Variants in SPACA1 observed in about 807,000 individuals in gnomAD.
SPACA1 encodes the protein sperm acrosome associated 1.
A neutral mutation model predicts 32.6 loss-of-function variants in SPACA1; 17 were observed. That is an observed-to-expected ratio of 0.52 (90% CI 0.36 to 0.78). The LOEUF (loss-of-function observed/expected upper bound fraction) is 0.78. Among genes scored for constraint, SPACA1 ranks in the 30% least tolerant of loss-of-function variants. The pLI is 0.01. For missense variants in SPACA1, 363 were observed against 373.4 expected (o/e 0.97, Z 0.23); for synonymous variants, 140 against 138.1 (o/e 1.01, Z -0.10).
intron 1 of SPACA1, among the ~76,000 whole-genome samples, chr6:88,050,505 AG>A (rs1412627406): frequency 5.9e-5 from 9 of 152,182 alleles, no homozygotes; most frequent in Admixed American, 3.9e-4. Context: ...TTTCTCTGTC[AG>A]TTTTCTTCTC....
upstream of SPACA1, among the ~76,000 whole-genome samples, chr6:88,047,136 A>G (rs10455480): frequency 0.2 from 29,742 of 152,182 alleles, 3,249 homozygotes; most frequent in Middle Eastern, 0.3. Context: ...ACCCCCACTA[A>G]AGGCTTCTTC....
chr6:88,048,162 G>A, intron 1 of SPACA1, 49 bp downstream of exon 1: 1 of 1,519,646 alleles, frequency 6.6e-7, no homozygotes, highest in Non-Finnish European at 8.9e-7. Flanking sequence ...CCTGTTGACG[G>A]AGCAAAGGCC....
rs1478436437 is a variant in SPACA1 at position 88,047,846 on chromosome 6, A to G, written c.-60A>G. The G allele has an allele frequency of 2.1e-6, 3 of 1,448,822 alleles. No individual in the cohort carries two copies. The highest frequency in any genetic ancestry group is 4.9e-5 in the Admixed American group (2 of 41,118). 89.7% of individuals were successfully genotyped at this position (1,448,822 alleles called of 1,614,324 possible). On this transcript the variant is annotated 5_prime_UTR_variant, in exon 1 of 7. Transcript: ENST00000237201. ...GGGGTGTCGCAGCTCTCTTCGACGTACCTGTCCTCAGGAGCCGCGGCGGCG... is the reference window on the plus strand; with the variant it reads ...GGGGTGTCGCAGCTCTCTTCGACGTGCCTGTCCTCAGGAGCCGCGGCGGCG...
At position 88,066,321 on chromosome 6, in the gene SPACA1, G is replaced by C. The variant is rs1201429553; in HGVS notation, c.871G>C (p.Glu291Gln). ...GCCTGGTGAAGATGATGCTTTAAGT[G>C]AATGGAATGAATGATGTTTGAATGA... is the stretch of plus-strand genomic sequence containing the variant. ...EMPGEDDALSEWNE is the reference protein window; with the variant it reads ...EMPGEDDALSQWNE The change falls in exon 7 of 7, where the codon GAA becomes CAA. Residue 291 changes from glutamate to glutamine, a missense_variant. Physicochemically the swap from Glu to Gln is conservative, Grantham distance 29. Coordinates refer to ENST00000237201, the MANE Select transcript of SPACA1 (RefSeq NM_030960.3). 1 of 1,609,718 alleles carries C rather than the reference G, an allele frequency of 6.2e-7. No individual in the cohort carries two copies. The highest frequency in any genetic ancestry group is 1.7e-5 in the Admixed American group (1 of 59,302).
At chr6:88,054,335 A>T (rs115490464) in intron 2 of SPACA1, among the ~76,000 whole-genome samples, 2,012 of 151,658 alleles carry the variant, frequency 0.013, 51 homozygotes, top group African/African-American at 0.047. Context: ...ATGTCTTCCC[A>T]CATATTGTGT....
chr6:88,054,071 G>A, intron 2 of SPACA1, 69 bp downstream of exon 2: 1 of 1,402,738 alleles, frequency 7.1e-7, no homozygotes, highest in South Asian at 1.2e-5. Flanking sequence ...AAAGCAGATA[G>A]TGTGCAACTT....
Position 88,066,441 on chromosome 6 carries a change from G to T in SPACA1, c.*106G>T. On this transcript the variant is annotated 3_prime_UTR_variant, in exon 7 of 7. Transcript: ENST00000237201. ...TACTTTAATAATGTTGCGATGGATT[G>T]CCACAGTGTGAAGGAAATGCAGTGT... 2 of 1,109,028 alleles carry T rather than the reference G, an allele frequency of 1.8e-6. No homozygotes were observed. Among genetic ancestry groups the T allele is most frequent in the Non-Finnish European group, 1.2e-6 (1 of 817,432 alleles). 68.7% of individuals were successfully genotyped at this position (1,109,028 alleles called of 1,614,324 possible). A position where few individuals can be genotyped will look rare whatever the true frequency, so the allele number is the denominator to read the frequency against.
intron 1 of SPACA1, among the ~76,000 whole-genome samples, chr6:88,052,045 T>A (rs895747996): frequency 5.9e-5 from 9 of 152,308 alleles, no homozygotes; most frequent in Admixed American, 5.9e-4. Context: ...CACTCATAGG[T>A]TTATAACAAG....
At chr6:88,064,343 G>T (rs1469366641) in intron 6 of SPACA1, 124 bp downstream of exon 6, 1 of 945,320 alleles carries the variant, frequency 1.1e-6, no homozygotes, top group Non-Finnish European at 1.5e-6. Context: ...ACTGTCCATC[G>T]CCTTTCATTA....
In SPACA1 at chr6:88,066,694, C is replaced by A. The variant is rs1298518897; in HGVS notation, c.*359C>A. ...ATATAGAAATGCTTTACATATTAGA[C>A]TTTCTCTCCCCTGGAAGCACTGGGT... On this transcript the variant is annotated 3_prime_UTR_variant, in exon 7 of 7. Transcript: ENST00000237201. 6.5e-6 allele frequency: 1 copy of A among 154,662 alleles called. No homozygotes were observed. The highest frequency in any genetic ancestry group is 1.4e-5 in the Non-Finnish European group (1 of 69,718). The allele number at this position is 154,662 out of a possible 1,614,324, so 9.6% of individuals were successfully genotyped here. A position where few individuals can be genotyped will look rare whatever the true frequency, so the allele number is the denominator to read the frequency against.
At chr6:88,052,563 A>T (rs1311608230) in intron 1 of SPACA1, among the ~76,000 whole-genome samples, 1 of 152,172 alleles carries the variant, frequency 6.6e-6, no homozygotes, top group Non-Finnish European at 1.5e-5. Flanking sequence ...GGGGCTGGGC[A>T]CGGTGGCTTA....
intron 1 of SPACA1, 76 bp downstream of exon 1, chr6:88,048,189 A>G: frequency 7.1e-7 from 1 of 1,413,222 alleles, no homozygotes; most frequent in Non-Finnish European, 9.6e-7. Flanking sequence ...TTGCCTGAGA[A>G]CCATAATTAT....
At chr6:88,048,332 T>C (rs762519953) in intron 1 of SPACA1, among the ~76,000 whole-genome samples, 11 of 152,210 alleles carry the variant, frequency 7.2e-5, no homozygotes, top group Non-Finnish European at 1.3e-4. Context: ...AGCACGTATA[T>C]AGAAATTGCT....
At position 88,066,563 on chromosome 6, in the gene SPACA1, G is replaced by T; in HGVS notation, c.*228G>T. 7.0e-6 allele frequency: 2 copies of T among 284,924 alleles called. No individual in the cohort carries two copies. The highest frequency in any genetic ancestry group is 1.0e-4 in the Admixed American group (2 of 20,050). 17.6% of individuals were successfully genotyped at this position (284,924 alleles called of 1,614,324 possible). On this transcript the variant is annotated 3_prime_UTR_variant, in exon 7 of 7. Transcript: ENST00000237201. Reference sequence around the variant, plus strand: ...CACTTATTTCAGGTAATAGCTTGGGGATATTTATCTAAAGGTACCCCCAAC... The same window carrying T: ...CACTTATTTCAGGTAATAGCTTGGGTATATTTATCTAAAGGTACCCCCAAC...
chr6:88,060,934 C>A (rs1775884065), intron 5 of SPACA1, among the ~76,000 whole-genome samples: 1 of 152,212 alleles, frequency 6.6e-6, no homozygotes, highest in South Asian at 2.1e-4. Flanking sequence ...ACTTCTCTCT[C>A]TCATAGCAGC....
intron 5 of SPACA1, among the ~76,000 whole-genome samples, chr6:88,062,314 G>A (rs1387097088): frequency 6.6e-6 from 1 of 152,140 alleles, no homozygotes; most frequent in Non-Finnish European, 1.5e-5. Context: ...TGACAGAGTA[G>A]TACTTATCAA....
chr6:88,052,998 T>G (rs1399119410), intron 1 of SPACA1, among the ~76,000 whole-genome samples: 1 of 152,212 alleles, frequency 6.6e-6, no homozygotes, highest in Non-Finnish European at 1.5e-5. Context: ...TAAGTATGTT[T>G]GTAGTACTAA....
chr6:88,062,011 AG>A (rs1775905111), intron 5 of SPACA1, among the ~76,000 whole-genome samples: 1 of 152,198 alleles, frequency 6.6e-6, no homozygotes. Flanking sequence ...TCTCCTTGTC[AG>A]GTGTCAGTTC....
At chr6:88,058,662 G>T in intron 3 of SPACA1, 54 bp from the exon 4 acceptor site, 1 of 1,291,254 alleles carries the variant, frequency 7.7e-7, no homozygotes, top group Non-Finnish European at 1.1e-6. Context: ...GTAATTTCGT[G>T]TATAAAGCAA....
Sources: gnomAD v4.1 joint callset for allele counts (sites outside exome capture counted in the v4.1 genomes callset) on GRCh38, gnomAD v4.1.1 for gene constraint, MANE v1.5 for transcripts, NCBI Gene and HGNC (gene_info 2026-07-23, HGNC 2026-07-21) for gene names.